Variants in THSD7B observed in about 807,000 individuals in gnomAD.
The protein encoded by THSD7B is thrombospondin type 1 domain containing 7B, also known as thrombospondin type-1 domain-containing protein 7B.
Under a neutral mutation model 213.6 loss-of-function variants are expected in THSD7B, and 138 were observed. The ratio of observed to expected loss-of-function variants is 0.65; its 90% CI spans 0.56 to 0.74. The LOEUF is 0.74. THSD7B is among the 30% of genes least tolerant of loss of function. THSD7B has a pLI of 0.00. For synonymous variants in THSD7B, 742 were observed against 687.0 expected, an observed-to-expected ratio of 1.08 and a Z score of -1.25; for missense variants, 1,931 against 1,991.5, an observed-to-expected ratio of 0.97 and a Z score of 0.58.
At position 137,576,576 on chromosome 2, in the gene THSD7B, T is replaced by C. The variant is rs115058982; in HGVS notation, c.3423+4020T>C. ...GGGCTTAAGTGCAATGGAATCTGGATTCTGTCACAGTCTGAATATTGTGTT... is the reference window on the plus strand; with the variant it reads ...GGGCTTAAGTGCAATGGAATCTGGACTCTGTCACAGTCTGAATATTGTGTT... On this transcript the variant is annotated intron_variant, in intron 17 of 27. Transcript: ENST00000409968. Among the ~76,000 whole-genome samples the C allele has an allele frequency of 5.9e-3, 894 of 152,236 alleles. 9 individuals carry two copies. Among genetic ancestry groups the C allele is most frequent in the African/African-American group, 0.02 (851 of 41,560 alleles).
chr2:137,063,695 G>A (rs575629239), intron 3 of THSD7B, among the ~76,000 whole-genome samples: 1 of 152,030 alleles, frequency 6.6e-6, no homozygotes, highest in Non-Finnish European at 1.5e-5. Context: ...CCAGACTCTG[G>A]AAACCAGCCT....
intron 17 of THSD7B, among the ~76,000 whole-genome samples, chr2:137,586,622 T>G (rs4423654): frequency 6.6e-6 from 1 of 152,072 alleles, no homozygotes; most frequent in Non-Finnish European, 1.5e-5. Flanking sequence ...TATGAAATTC[T>G]GGGTTGAAAA....
At chr2:136,860,745 T>G (rs577783856) in intron 1 of THSD7B, among the ~76,000 whole-genome samples, 12 of 152,290 alleles carry the variant, frequency 7.9e-5, no homozygotes, top group African/African-American at 2.9e-4. Flanking sequence ...TCTCGAGAGA[T>G]CCTGCTAAAA....
At chr2:137,556,054 A>G (rs1680957021) in intron 15 of THSD7B, among the ~76,000 whole-genome samples, 1 of 152,244 alleles carries the variant, frequency 6.6e-6, no homozygotes, top group Non-Finnish European at 1.5e-5. Context: ...AAAAGACCAA[A>G]TCTACGTCTA....
chr2:137,132,903 A>G (rs923856684), intron 5 of THSD7B, among the ~76,000 whole-genome samples: 1 of 152,152 alleles, frequency 6.6e-6, no homozygotes, highest in Non-Finnish European at 1.5e-5. Context: ...TACTTTTTCT[A>G]TAAAAGCCCT....
chr2:137,191,693 C>T (rs1343722424), intron 7 of THSD7B, among the ~76,000 whole-genome samples: 1 of 152,044 alleles, frequency 6.6e-6, no homozygotes, highest in African/African-American at 2.4e-5. Flanking sequence ...GTCATCTCCT[C>T]CAAGAAGCTC....
rs1340477669 is a variant in THSD7B at position 137,677,614 on chromosome 2, T to C, written c.*1009T>C. ...ACAACACATTAAAAAGCTGAGACCA[T>C]TTTATGAAGATAATTGTTTGTAATC... On this transcript the variant is annotated 3_prime_UTR_variant, in exon 28 of 28. Coordinates refer to ENST00000409968, the MANE Select transcript of THSD7B (RefSeq NM_001316349.2). The C allele has an allele frequency of 6.6e-6, 1 of 152,642 alleles. No individual in the cohort carries two copies. Among genetic ancestry groups the C allele is most frequent in the East Asian group, 1.9e-4 (1 of 5,202 alleles). The allele number at this position is 152,642 out of a possible 1,614,324, so 9.5% of individuals were successfully genotyped here.
intron 2 of THSD7B, among the ~76,000 whole-genome samples, chr2:137,052,849 G>C (rs4555396): frequency 0.17 from 25,732 of 152,062 alleles, 2,984 homozygotes; most frequent in African/African-American, 0.32. Context: ...ACTGCAAATG[G>C]CTATAGGTCA....
intron 21 of THSD7B, 51 bp downstream of exon 21, chr2:137,642,684 A>G: frequency 6.3e-7 from 1 of 1,596,944 alleles, no homozygotes; most frequent in Non-Finnish European, 8.5e-7. Context: ...TATTCGAAGC[A>G]CTTGTCTGGT....
At chr2:137,381,402 A>C (rs1685772776) in intron 12 of THSD7B, among the ~76,000 whole-genome samples, 1 of 152,242 alleles carries the variant, frequency 6.6e-6, no homozygotes. Context: ...CTCCAGACGC[A>C]GGCAGGTCAC....
At chr2:136,857,503 C>A (rs960843890) in intron 1 of THSD7B, among the ~76,000 whole-genome samples, 4 of 152,196 alleles carry the variant, frequency 2.6e-5, no homozygotes, top group Non-Finnish European at 5.9e-5. Context: ...CTTTTCTCTC[C>A]CTTGTTTAAT....
intron 1 of THSD7B, among the ~76,000 whole-genome samples, chr2:136,830,704 A>G (rs16836853): frequency 0.15 from 22,815 of 152,084 alleles, 1,792 homozygotes; most frequent in Middle Eastern, 0.31. Flanking sequence ...TTACTTAGCT[A>G]TTTCAAATGG....
At chr2:137,561,240 G>A (rs1681112969) in intron 15 of THSD7B, among the ~76,000 whole-genome samples, 1 of 152,142 alleles carries the variant, frequency 6.6e-6, no homozygotes, top group Non-Finnish European at 1.5e-5. Flanking sequence ...CAATCAGGTG[G>A]TCAAATGTTT....
intron 1 of THSD7B, among the ~76,000 whole-genome samples, chr2:136,800,366 G>A (rs2104921142): frequency 6.6e-6 from 1 of 151,824 alleles, no homozygotes; most frequent in East Asian, 1.9e-4. Flanking sequence ...TCTGGACTTG[G>A]AACTGTATCT....
chr2:137,221,391 C>T (rs1479166232), intron 7 of THSD7B, among the ~76,000 whole-genome samples: 1 of 150,748 alleles, frequency 6.6e-6, no homozygotes, highest in Non-Finnish European at 1.5e-5. Flanking sequence ...ATAGAACTGT[C>T]CTGCCTCGTC....
intron 4 of THSD7B, among the ~76,000 whole-genome samples, chr2:137,112,772 C>CGTGTGTGT (rs112879754): frequency 0.018 from 2,691 of 149,862 alleles, 38 homozygotes; most frequent in East Asian, 0.032. Context: ...TGTTAATGTA[C>CGTGTGTGT]GTGTGTGTGT....
chr2:137,252,082 A>T (rs1218021280), intron 10 of THSD7B, among the ~76,000 whole-genome samples: 1 of 152,030 alleles, frequency 6.6e-6, no homozygotes, highest in East Asian at 1.9e-4. Context: ...CCTGGCTAAC[A>T]TGGAGAAACC....
chr2:137,568,921 A>C (rs1378549314), intron 16 of THSD7B, among the ~76,000 whole-genome samples: 1 of 152,224 alleles, frequency 6.6e-6, no homozygotes, highest in Non-Finnish European at 1.5e-5. Flanking sequence ...AAAGATGTCC[A>C]CATCCTAATT....
At chr2:137,109,420 G>A (rs942862083) in intron 4 of THSD7B, among the ~76,000 whole-genome samples, 1 of 152,064 alleles carries the variant, frequency 6.6e-6, no homozygotes, top group Non-Finnish European at 1.5e-5. Flanking sequence ...TGATTCAAGT[G>A]CATTACTTTT....
Sources: gnomAD v4.1 joint callset for allele counts (sites outside exome capture counted in the v4.1 genomes callset) on GRCh38, gnomAD v4.1.1 for gene constraint, MANE v1.5 for transcripts, NCBI Gene and HGNC (gene_info 2026-07-23, HGNC 2026-07-21) for gene names.